The following MATCAP2 variants were observed in gnomAD, a reference collection of about 807,000 sequenced individuals.
The protein encoded by MATCAP2 is putative tyrosine carboxypeptidase MATCAP2.
the MATCAP2 span, among the ~76,000 whole-genome samples, chr7:36,370,868 A>G: frequency 6.6e-6 from 1 of 152,232 alleles, no homozygotes; most frequent in African/African-American, 2.4e-5. Context: ...TTTTTCAATA[A>G]TAACCAAAAA....
the MATCAP2 span, chr7:36,390,035 G>A: frequency 6.2e-7 from 1 of 1,614,004 alleles, no homozygotes; most frequent in Non-Finnish European, 8.5e-7. Context: ...CGATGGATCC[G>A]TTTACGGAGG....
chr7:36,377,109 T>C, the MATCAP2 span, among the ~76,000 whole-genome samples: 1 of 152,194 alleles, frequency 6.6e-6, no homozygotes, highest in Non-Finnish European at 1.5e-5. Context: ...CATTTAAGGT[T>C]AATATTGTTA....
the MATCAP2 span, among the ~76,000 whole-genome samples, chr7:36,370,243 A>G: frequency 3.3e-5 from 5 of 152,174 alleles, no homozygotes; most frequent in Non-Finnish European, 7.3e-5. Flanking sequence ...CATTGGGTTC[A>G]GCATCTGCAG....
chr7:36,380,550 A>T, the MATCAP2 span, among the ~76,000 whole-genome samples: 1 of 152,202 alleles, frequency 6.6e-6, no homozygotes, highest in Non-Finnish European at 1.5e-5. Flanking sequence ...GTATTAAAAT[A>T]GTTTCTCTTG....
chr7:36,372,059 C>T, the MATCAP2 span, among the ~76,000 whole-genome samples: 2 of 149,242 alleles, frequency 1.3e-5, no homozygotes, highest in Non-Finnish European at 1.5e-5. Flanking sequence ...TTTTTGAGAG[C>T]ATATCATGCT....
chr7:36,371,558 AAAG>A, the MATCAP2 span, among the ~76,000 whole-genome samples: 1 of 152,196 alleles, frequency 6.6e-6, no homozygotes, highest in Non-Finnish European at 1.5e-5. Flanking sequence ...CTGTGTAATA[AAAG>A]AAGATCATTT....
chr7:36,334,332 T>G, the MATCAP2 span, among the ~76,000 whole-genome samples: 2 of 150,814 alleles, frequency 1.3e-5, no homozygotes, highest in Admixed American at 6.6e-5. Context: ...AGTTCAGGAG[T>G]TGGAGACCAG....
At chr7:36,358,467 G>A in the MATCAP2 span, among the ~76,000 whole-genome samples, 2,057 of 152,226 alleles carry the variant, frequency 0.014, 52 homozygotes, top group African/African-American at 0.047. Flanking sequence ...TAAGCTGTAC[G>A]TTAAGGTTAA....
the MATCAP2 span, chr7:36,366,644 A>G: frequency 6.6e-7 from 1 of 1,521,204 alleles, no homozygotes; most frequent in South Asian, 1.2e-5. Context: ...TACCTTTGTA[A>G]GACCAGCAAC....
At chr7:36,337,272 A>G in the MATCAP2 span, among the ~76,000 whole-genome samples, 3 of 152,072 alleles carry the variant, frequency 2.0e-5, no homozygotes, top group African/African-American at 7.2e-5. Flanking sequence ...TTTGCAGCAA[A>G]GGAATAAGAA....
At chr7:36,389,975 TC>T in the MATCAP2 span, 1 of 1,614,060 alleles carries the variant, frequency 6.2e-7, no homozygotes, top group Non-Finnish European at 8.5e-7. Flanking sequence ...ACTTTTCTCT[TC>T]CTGAATTTGA....
chr7:36,356,838 T>G, the MATCAP2 span: 3 of 1,318,298 alleles, frequency 2.3e-6, no homozygotes, highest in Non-Finnish European at 3.3e-6. Context: ...TTTTTGCTTA[T>G]AAGATCACAG....
chr7:36,342,546 A>T, the MATCAP2 span, among the ~76,000 whole-genome samples: 1 of 152,240 alleles, frequency 6.6e-6, no homozygotes, highest in African/African-American at 2.4e-5. Flanking sequence ...TGAAGACTCC[A>T]GTAGAGACAT....
chr7:36,344,805 G>A, the MATCAP2 span, among the ~76,000 whole-genome samples: 1 of 152,274 alleles, frequency 6.6e-6, no homozygotes, highest in Non-Finnish European at 1.5e-5. Flanking sequence ...TTAACTCATG[G>A]AACAGAGAGC....
At chr7:36,384,496 C>T in the MATCAP2 span, among the ~76,000 whole-genome samples, 2 of 152,160 alleles carry the variant, frequency 1.3e-5, no homozygotes, top group Non-Finnish European at 2.9e-5. Context: ...CACTCATGTG[C>T]CAGAAGGTGC....
chr7:36,366,993 G>C, the MATCAP2 span: 4 of 1,317,068 alleles, frequency 3.0e-6, no homozygotes, highest in Non-Finnish European at 3.8e-6. Flanking sequence ...GGAAAGGGCC[G>C]CGCAGGGGCG....
At chr7:36,388,491 A>G in the MATCAP2 span, among the ~76,000 whole-genome samples, 1 of 152,234 alleles carries the variant, frequency 6.6e-6, no homozygotes, top group African/African-American at 2.4e-5. Flanking sequence ...ATTATTAAAC[A>G]TATTGAAACC....
At chr7:36,365,244 C>T in the MATCAP2 span, among the ~76,000 whole-genome samples, 3 of 152,142 alleles carry the variant, frequency 2.0e-5, no homozygotes, top group Admixed American at 6.5e-5. Context: ...AAATAATGTG[C>T]ACTGTGACAG....
chr7:36,353,972 T>A, the MATCAP2 span, among the ~76,000 whole-genome samples: 1 of 152,192 alleles, frequency 6.6e-6, no homozygotes, highest in South Asian at 2.1e-4. Context: ...CTGGTGAGGA[T>A]GCACCTGACC....
Sources: allele counts gnomAD v4.1 joint callset (sites outside exome capture counted in the v4.1 genomes callset), GRCh38; gene constraint gnomAD v4.1.1; transcripts MANE v1.5; gene names NCBI Gene and HGNC (gene_info 2026-07-23, HGNC 2026-07-21).